KPNA4: variants seen among roughly 807,000 people sequenced by gnomAD.
KPNA4 encodes the protein importin subunit alpha-3.
Under a neutral mutation model 71.3 loss-of-function variants are expected in KPNA4, and 13 were observed. The ratio of observed to expected loss-of-function variants is 0.18; its 90% CI spans 0.12 to 0.29. The LOEUF (loss-of-function observed/expected upper bound fraction) is 0.29, where lower values mean the gene tolerates loss of function less well. Among genes scored for constraint, KPNA4 ranks in the 10% least tolerant of loss-of-function variants. The probability of loss-of-function intolerance (pLI) is 1.00; values close to 1 mark genes in which losing one functional copy is unlikely to be tolerated. For synonymous variants in KPNA4, 189 were observed against 195.2 expected (o/e 0.97, Z 0.26); for missense variants, 334 against 603.2 (o/e 0.55, Z 4.67).
chr3:160,511,840 C>G (rs1327594483), intron 13 of KPNA4, among the ~76,000 whole-genome samples: 1 of 151,054 alleles, frequency 6.6e-6, no homozygotes, highest in Non-Finnish European at 1.5e-5. Flanking sequence ...TGACATGTAT[C>G]CACAGATCTA....
chr3:160,502,607 G>C (rs1417339412), intron 16 of KPNA4, among the ~76,000 whole-genome samples: 1 of 152,104 alleles, frequency 6.6e-6, no homozygotes, highest in African/African-American at 2.4e-5. Context: ...CTAAGCTCAA[G>C]CAATCTGCCT....
intron 1 of KPNA4, among the ~76,000 whole-genome samples, chr3:160,544,754 G>A (rs1246703883): frequency 2.0e-5 from 3 of 152,124 alleles, no homozygotes; most frequent in African/African-American, 4.8e-5. Context: ...CTGCTTGAAG[G>A]AATCTGATTT....
intron 1 of KPNA4, among the ~76,000 whole-genome samples, chr3:160,540,738 T>C (rs1213731007): frequency 2.0e-5 from 3 of 152,178 alleles, no homozygotes; most frequent in Non-Finnish European, 2.9e-5. Context: ...TGGTGTCAAT[T>C]AGAATTCCAG....
intron 10 of KPNA4, among the ~76,000 whole-genome samples, chr3:160,525,345 A>G (rs1423608175): frequency 1.3e-5 from 2 of 151,522 alleles, no homozygotes; most frequent in African/African-American, 4.8e-5. Context: ...ATGCACAAAC[A>G]TTTTCCTTTT....
chr3:160,529,861 G>C (rs988714753), intron 7 of KPNA4, among the ~76,000 whole-genome samples: 1 of 152,018 alleles, frequency 6.6e-6, no homozygotes, highest in African/African-American at 2.4e-5. Flanking sequence ...CGGGCGTGGT[G>C]GCTCACACCT....
chr3:160,541,649 G>GCGCGCA (rs376581446), intron 1 of KPNA4, among the ~76,000 whole-genome samples: 5 of 146,648 alleles, frequency 3.4e-5, no homozygotes, highest in African/African-American at 1.3e-4. Flanking sequence ...TTATATACGC[G>GCGCGCA]CACACACACA....
rs114422610 is a variant in KPNA4 at position 160,557,229 on chromosome 3, C to A, written c.69+7985G>T. Among the ~76,000 whole-genome samples the A allele has an allele frequency of 6.6e-3, 1,004 of 152,190 alleles. 8 individuals carry two copies. The highest frequency in any genetic ancestry group is 0.022 in the African/African-American group (932 of 41,510). On this transcript the variant is annotated intron_variant, in intron 1 of 16. Coordinates refer to ENST00000334256, the MANE Select transcript of KPNA4 (RefSeq NM_002268.5). The stretch of plus-strand genomic sequence containing the variant: ...AAAAAGCCAGTGTGAAGAGGAAGAA[C>A]AGGTGGCAAACAGGACAGGGCCATT...
rs544416828 is a variant in KPNA4 at position 160,505,979 on chromosome 3, T to G, written c.1373-927A>C. ...TTAAACGGTTCATCCTACAGTTGTATTCTTATTTGGTGATAATCAACAATA... is the reference window on the plus strand; with the variant it reads ...TTAAACGGTTCATCCTACAGTTGTAGTCTTATTTGGTGATAATCAACAATA... On this transcript the variant is annotated intron_variant, in intron 15 of 16. Coordinates refer to ENST00000334256, the MANE Select transcript of KPNA4 (RefSeq NM_002268.5). Among the ~76,000 whole-genome samples the G allele has an allele frequency of 1.2e-4, 18 of 152,316 alleles. No homozygotes were observed. The South Asian group carries it at 3.5e-3, about 30-fold the overall frequency.
chr3:160,541,179 T>A (rs1721789496), intron 1 of KPNA4, among the ~76,000 whole-genome samples: 1 of 152,208 alleles, frequency 6.6e-6, no homozygotes, highest in South Asian at 2.1e-4. Context: ...AATTTTCAAG[T>A]CAGTTTTACC....
At chr3:160,556,473 G>A (rs113382908) in intron 1 of KPNA4, among the ~76,000 whole-genome samples, 1,851 of 152,152 alleles carry the variant, frequency 0.012, 20 homozygotes, top group Middle Eastern at 0.02. Flanking sequence ...CTAATGAGGC[G>A]GATCCTATTT....
Position 160,500,765 on chromosome 3 carries a change from T to G in KPNA4, c.*1339A>C, listed in dbSNP as rs1215755087. ...TTATTAAAGGTGTTCAAACCATTAC[T>G]TGATTTGTACATCTACTCAAACCTC... On this transcript the variant is annotated 3_prime_UTR_variant, in exon 17 of 17. Transcript: ENST00000334256. 2.0e-5 allele frequency: 3 copies of G among 152,656 alleles called. No individual in the cohort carries two copies. The highest frequency in any genetic ancestry group is 4.8e-5 in the African/African-American group (2 of 41,464). The allele number at this position is 152,656 out of a possible 1,614,324, so 9.5% of individuals were successfully genotyped here. A position where few individuals can be genotyped will look rare whatever the true frequency, so the allele number is the denominator to read the frequency against.
At chr3:160,538,157 A>G (rs985404627) in intron 1 of KPNA4, among the ~76,000 whole-genome samples, 1 of 150,172 alleles carries the variant, frequency 6.7e-6, no homozygotes, top group Non-Finnish European at 1.5e-5. Context: ...ATATATATGT[A>G]TATATGTGTG....
At chr3:160,552,259 A>C (rs1378688783) in intron 1 of KPNA4, among the ~76,000 whole-genome samples, 3 of 152,208 alleles carry the variant, frequency 2.0e-5, no homozygotes, top group Non-Finnish European at 4.4e-5. Context: ...TACTTCTATC[A>C]AGAGAAAAAA....
chr3:160,503,647 A>G (rs1228129902), intron 16 of KPNA4, among the ~76,000 whole-genome samples: 1 of 152,236 alleles, frequency 6.6e-6, no homozygotes, highest in East Asian at 1.9e-4. Flanking sequence ...CATCTGAATT[A>G]TTCTTTTCAC....
At chr3:160,552,674 GC>G (rs1187596581) in intron 1 of KPNA4, among the ~76,000 whole-genome samples, 17 of 152,172 alleles carry the variant, frequency 1.1e-4, no homozygotes, top group African/African-American at 4.1e-4. Context: ...TGACTTTGAA[GC>G]GAGATTCAAA....
At chr3:160,520,695 A>G (rs893176619) in intron 11 of KPNA4, among the ~76,000 whole-genome samples, 5 of 152,194 alleles carry the variant, frequency 3.3e-5, no homozygotes, top group Admixed American at 3.3e-4. Context: ...TTTCTAAGAA[A>G]TATTTTCTGA....
At chr3:160,506,651 C>T (rs567707304) in intron 15 of KPNA4, among the ~76,000 whole-genome samples, 1 of 152,184 alleles carries the variant, frequency 6.6e-6, no homozygotes, top group South Asian at 2.1e-4. Flanking sequence ...AGGCAATGTT[C>T]AAGAACTTAC....
intron 11 of KPNA4, among the ~76,000 whole-genome samples, chr3:160,519,482 T>G (rs1376831683): frequency 6.6e-6 from 1 of 151,872 alleles, no homozygotes; most frequent in Non-Finnish European, 1.5e-5. Context: ...AGTCTACTAG[T>G]GGTATTGTGG....
intron 1 of KPNA4, among the ~76,000 whole-genome samples, chr3:160,543,519 G>C (rs1327012837): frequency 6.6e-6 from 1 of 152,098 alleles, no homozygotes; most frequent in East Asian, 1.9e-4. Context: ...TTTTGGCAGA[G>C]ACAGGGTTTC....
Sources: gnomAD v4.1 joint callset for allele counts (sites outside exome capture counted in the v4.1 genomes callset) on GRCh38, gnomAD v4.1.1 for gene constraint, MANE v1.5 for transcripts, NCBI Gene and HGNC (gene_info 2026-07-23, HGNC 2026-07-21) for gene names.